Variants in DAZAP1 observed in about 807,000 individuals in gnomAD.
DAZAP1 encodes the protein DAZ-associated protein 1.
DAZAP1 carries 6 observed loss-of-function variants against 60.1 expected under a neutral mutation model. The observed-to-expected ratio is 0.10, with a 90% CI of 0.05 to 0.20. The LOEUF is 0.20. Ranked by LOEUF, DAZAP1 falls within the 10% of genes least tolerant of loss-of-function variation. The pLI is 1.00. For synonymous variants in DAZAP1, 235 were observed against 215.9 expected (o/e 1.09, Z -0.78); for missense variants, 366 against 560.4 (o/e 0.65, Z 3.50).
In DAZAP1 at chr19:1,428,547, G is replaced by A. The variant is rs1040467651; in HGVS notation, c.547-295G>A. On this transcript the variant is annotated intron_variant, in intron 7 of 11. Transcript: ENST00000233078. This position sits in a 1 kb window ranked among gnomAD's most constrained non-coding sequence, Gnocchi z 4.0. ...ACTTGAGTGAAAGACCCTTCGTCAC[G>A]CACGAAACCCCCGAGGGCTCTGGGC... The A allele has an allele frequency of 6.2e-6, 2 of 320,914 alleles. No homozygotes were observed. Among genetic ancestry groups the A allele is most frequent in the African/African-American group, 2.2e-5 (1 of 45,636 alleles). 19.9% of individuals were successfully genotyped at this position (320,914 alleles called of 1,614,324 possible). A position where few individuals can be genotyped will look rare whatever the true frequency, so the allele number is the denominator to read the frequency against.
chr19:1,408,957 G>A (rs1283520742), intron 1 of DAZAP1, among the ~76,000 whole-genome samples: 1 of 152,260 alleles, frequency 6.6e-6, no homozygotes, highest in Non-Finnish European at 1.5e-5. Flanking sequence ...TCAGCGCTGG[G>A]CTTGGCTAGT....
intron 1 of DAZAP1, 58 bp downstream of exon 1, chr19:1,407,860 G>T: frequency 9.5e-7 from 1 of 1,050,598 alleles, no homozygotes. Flanking sequence ...GCCGCTCCCC[G>T]CCGCCCGGCC....
intron 10 of DAZAP1, among the ~76,000 whole-genome samples, chr19:1,430,658 C>T (rs1038128153): frequency 1.3e-5 from 2 of 151,848 alleles, no homozygotes; most frequent in Non-Finnish European, 2.9e-5. Flanking sequence ...GCCTGGACTT[C>T]GTGTCTTAGC....
chr19:1,433,912 G>A lies in DAZAP1; in HGVS notation c.1049-825G>A. The A allele has an allele frequency of 4.7e-6, 6 of 1,275,732 alleles. No homozygotes were observed. The highest frequency in any genetic ancestry group is 6.8e-6 in the Non-Finnish European group (6 of 883,370). The allele number at this position is 1,275,732 out of a possible 1,614,324, so 79.0% of individuals were successfully genotyped here. On this transcript the variant is annotated intron_variant, in intron 11 of 11. Transcript: ENST00000233078. This position sits in a 1 kb window ranked among gnomAD's most constrained non-coding sequence, Gnocchi z 6.1. ...GCTTCCTCTGCCGTCCCGGGCGGGGGTGGACGCTGGCGGTGCCCTCTGGGA... is the reference window on the plus strand; with the variant it reads ...GCTTCCTCTGCCGTCCCGGGCGGGGATGGACGCTGGCGGTGCCCTCTGGGA...
chr19:1,409,038 G>A (rs540340799), intron 1 of DAZAP1, among the ~76,000 whole-genome samples: 1 of 152,344 alleles, frequency 6.6e-6, no homozygotes, highest in South Asian at 2.1e-4. Context: ...CACACTTGTG[G>A]ATGGGAAATG....
rs1331508060 is a variant in DAZAP1, at chr19:1,426,066, T to A, written c.546+106T>A. 1.2e-6 allele frequency: 1 copy of A among 867,454 alleles called. No individual in the cohort carries two copies. The highest frequency in any genetic ancestry group is 1.7e-5 in the African/African-American group (1 of 60,494). 53.7% of individuals were successfully genotyped at this position (867,454 alleles called of 1,614,324 possible). A position where few individuals can be genotyped will look rare whatever the true frequency, so the allele number is the denominator to read the frequency against. ...CCTTCACGGAAAGGGTCGGGCGAGT[T>A]CGTCCTGTGAACCTTTGCTGCGTGA... On this transcript the variant is annotated intron_variant, in intron 7 of 11. Transcript: ENST00000233078. The surrounding 1 kb of genome is among the most constrained non-coding windows in gnomAD (Gnocchi z 5.4).
rs561152897 is a variant in DAZAP1, at chr19:1,434,454, G to A, written c.1049-283G>A. 14 of 375,256 alleles carry A rather than the reference G, an allele frequency of 3.7e-5. No individual in the cohort carries two copies. The highest frequency in any genetic ancestry group is 1.5e-4 in the African/African-American group (7 of 46,610). The allele number at this position is 375,256 out of a possible 1,614,324, so 23.2% of individuals were successfully genotyped here. A position where few individuals can be genotyped will look rare whatever the true frequency, so the allele number is the denominator to read the frequency against. On this transcript the variant is annotated intron_variant, in intron 11 of 11. Transcript: ENST00000233078. This position sits in a 1 kb window ranked among gnomAD's most constrained non-coding sequence, Gnocchi z 8.0. ...TACCTCCCCTCACCCCCCCAACCAC[G>A]TCTTCGGGATTGAACAGGGAAGCGG...
rs1330077712 is a variant in DAZAP1, at chr19:1,429,013, G to T, written c.700+18G>T. On this transcript the variant is annotated intron_variant, in intron 8 of 11. Coordinates refer to ENST00000233078, the MANE Select transcript of DAZAP1 (RefSeq NM_018959.4). The stretch of plus-strand genomic sequence containing the variant: ...CCCGCAAGGTAAGGCTGATGCAGAG[G>T]TGCCCACGGGAATGTCCCCCTTCTC... 1 of 1,557,262 alleles carries T rather than the reference G, an allele frequency of 6.4e-7. No homozygotes were observed. Among genetic ancestry groups the T allele is most frequent in the Non-Finnish European group, 8.7e-7 (1 of 1,153,056 alleles).
At position 1,418,358 on chromosome 19, in the gene DAZAP1, A is replaced by T; in HGVS notation, c.225A>T (p.Leu75=). Residue 75 remains leucine, a synonymous_variant, in exon 3 of 12, where the codon CTA becomes CTT. Coordinates refer to ENST00000233078, the MANE Select transcript of DAZAP1 (RefSeq NM_018959.4). This position sits in a 1 kb window ranked among gnomAD's most constrained non-coding sequence, Gnocchi z 5.7. ...GTVLASRPHT[L]DGRNIDPKPC... ...TGCTGGCCAGCAGACCGCACACGCT[A>T]GATGGCCGAAACGTAAGTGCCCTTC... 1 of 1,613,338 alleles carries T rather than the reference A, an allele frequency of 6.2e-7. No homozygotes were observed.
intron 1 of DAZAP1, among the ~76,000 whole-genome samples, chr19:1,408,375 G>A (rs914219164): frequency 6.6e-6 from 1 of 152,126 alleles, no homozygotes; most frequent in Non-Finnish European, 1.5e-5. Flanking sequence ...CGGCTTCCTG[G>A]CCAGGGGGAC....
rs558413254 is a variant in DAZAP1, at chr19:1,422,174, C to A, written c.415-174C>A. ...GTCTGGCCCTGGGAGTGTTGGGGCT[C>A]CAGCCTTTCTCAGACAGCAGCCCCA... is the stretch of plus-strand genomic sequence containing the variant. On this transcript the variant is annotated intron_variant, in intron 5 of 11. Coordinates refer to ENST00000233078, the MANE Select transcript of DAZAP1 (RefSeq NM_018959.4). This position sits in a 1 kb window ranked among gnomAD's most constrained non-coding sequence, Gnocchi z 4.5. Among the ~76,000 whole-genome samples, 2 of 152,228 alleles carry A rather than the reference C, an allele frequency of 1.3e-5. No individual in the cohort carries two copies. The highest frequency in any genetic ancestry group is 6.5e-5 in the Admixed American group (1 of 15,288).
Position 1,434,577 on chromosome 19 carries a change from C to CT in DAZAP1, c.1049-159dup, listed in dbSNP as rs1445667291. The stretch of plus-strand genomic sequence containing the variant: ...AGGGAGAGAACATGCCCGGGGTCCT[C>CT]TCCCCGGCCCAGGTGCTGGCCTCAG... On this transcript the variant is annotated intron_variant, in intron 11 of 11. Transcript: ENST00000233078. The surrounding 1 kb of genome is among the most constrained non-coding windows in gnomAD (Gnocchi z 8.0). The CT allele has an allele frequency of 1.1e-5, 7 of 646,672 alleles. No individual in the cohort carries two copies. The Admixed American group carries it at 2.3e-4, about 21-fold the overall frequency. 40.1% of individuals were successfully genotyped at this position (646,672 alleles called of 1,614,324 possible).
intron 1 of DAZAP1, among the ~76,000 whole-genome samples, chr19:1,414,543 G>C (rs1159054407): frequency 6.6e-6 from 1 of 151,866 alleles, no homozygotes. Flanking sequence ...TCAAGAGATT[G>C]AGACCATCCT....
intron 2 of DAZAP1, 69 bp downstream of exon 2, chr19:1,417,609 C>A: frequency 7.2e-7 from 1 of 1,383,264 alleles, no homozygotes; most frequent in Non-Finnish European, 1.0e-6. Context: ...CAAGTTGTGT[C>A]TGCCCGCCTC....
At chr19:1,408,843 C>G (rs1223280318) in intron 1 of DAZAP1, among the ~76,000 whole-genome samples, 4 of 152,306 alleles carry the variant, frequency 2.6e-5, no homozygotes, top group African/African-American at 7.2e-5. Context: ...GCAGCGACGT[C>G]GTTTTAGAGT....
In DAZAP1 at chr19:1,433,529, C is replaced by G. The variant is rs909182990; in HGVS notation, c.1048+839C>G. On this transcript the variant is annotated intron_variant, in intron 11 of 11. Coordinates refer to ENST00000233078, the MANE Select transcript of DAZAP1 (RefSeq NM_018959.4). The surrounding 1 kb of genome is among the most constrained non-coding windows in gnomAD (Gnocchi z 6.1). ...TCGGCCGAGGTGCCCGCCCACCCAC[C>G]TCGCATGGCTGTGGTTCCCCTGCCC... is the stretch of plus-strand genomic sequence containing the variant. The G allele has an allele frequency of 1.6e-5, 9 of 573,094 alleles. No homozygotes were observed. In the African/African-American group the frequency reaches 1.7e-4, roughly 11 times the overall value. The allele number at this position is 573,094 out of a possible 1,614,324, so 35.5% of individuals were successfully genotyped here.
intron 1 of DAZAP1, among the ~76,000 whole-genome samples, chr19:1,408,122 G>C (rs1298926477): frequency 6.6e-6 from 1 of 151,870 alleles, no homozygotes. Flanking sequence ...GGCAACCTGG[G>C]GGGGTGTCCT....
chr19:1,434,783 C>T lies in DAZAP1; in HGVS notation c.1095C>T (p.Asp365=). 3.1e-6 allele frequency: 5 copies of T among 1,612,908 alleles called. No individual in the cohort carries two copies. The highest frequency in any genetic ancestry group is 4.2e-6 in the Non-Finnish European group (5 of 1,179,482). ...GTGGCTTCGGACAGGGCTTCTCAGA[C>T]CCCAGCCAGCAGCCTCCTTCCTACG... ...DLSGFGQGFS[D]PSQQPPSYGG... Residue 365 remains aspartate, a synonymous_variant, in exon 12 of 12, where the codon GAC becomes GAT. Transcript: ENST00000233078. This position sits in a 1 kb window ranked among gnomAD's most constrained non-coding sequence, Gnocchi z 8.0.
At chr19:1,424,008 G>A (rs1460653215) in intron 6 of DAZAP1, among the ~76,000 whole-genome samples, 1 of 152,184 alleles carries the variant, frequency 6.6e-6, no homozygotes, top group Non-Finnish European at 1.5e-5. Flanking sequence ...CTGCTTAGCG[G>A]GTCCTCCCAG....
Sources: gnomAD v4.1 joint callset for allele counts (sites outside exome capture counted in the v4.1 genomes callset) on GRCh38, gnomAD v4.1.1 for gene constraint, Gnocchi (gnomAD v3.1) non-coding constraint, MANE v1.5 for transcripts, NCBI Gene and HGNC (gene_info 2026-07-23, HGNC 2026-07-21) for gene names.